EXOC6B: variants seen among roughly 807,000 people sequenced by gnomAD.
EXOC6B encodes the protein SEC15 homolog B.
A neutral mutation model predicts 113.5 loss-of-function variants in EXOC6B; 54 were observed. The ratio of observed to expected loss-of-function variants is 0.48; its 90% confidence interval spans 0.38 to 0.60. The LOEUF (loss-of-function observed/expected upper bound fraction) is 0.60, where lower values mean the gene tolerates loss of function less well. EXOC6B is among the 20% of genes least tolerant of loss of function. The pLI is 0.00. For synonymous variants in EXOC6B, 357 were observed against 339.0 expected (o/e 1.05, Z -0.58); for missense variants, 797 against 977.5 (o/e 0.82, Z 2.46).
chr2:72,732,102 G>A (rs1055309173), intron 3 of EXOC6B, among the ~76,000 whole-genome samples: 3 of 152,166 alleles, frequency 2.0e-5, no homozygotes, highest in African/African-American at 2.4e-5. Flanking sequence ...TGTAAACTGT[G>A]ATGGTTTAAA....
intron 7 of EXOC6B, among the ~76,000 whole-genome samples, chr2:72,565,509 G>T (rs894282153): frequency 2.0e-5 from 3 of 151,750 alleles, no homozygotes; most frequent in African/African-American, 7.3e-5. Flanking sequence ...GGTCTGGGAG[G>T]ATAAAAAATT....
At chr2:72,543,871 G>T (rs1702756988) in intron 8 of EXOC6B, among the ~76,000 whole-genome samples, 1 of 152,174 alleles carries the variant, frequency 6.6e-6, no homozygotes, top group Admixed American at 6.5e-5. Context: ...CAGACAACCT[G>T]TTAAGTGTCA....
chr2:72,179,326 G>A lies in EXOC6B; in HGVS notation c.*9C>T. 9 of 1,597,934 alleles carry A rather than the reference G, an allele frequency of 5.6e-6. No individual in the cohort carries two copies. Among genetic ancestry groups the A allele is most frequent in the East Asian group, 2.2e-5 (1 of 44,712 alleles). ...CAGCAGGTCGCCTCTGTGGGTCCGG[G>A]GTCACCCTTCATGAGTGGTGGCTGC... On this transcript the variant is annotated 3_prime_UTR_variant, in exon 22 of 22. Transcript: ENST00000272427.
intron 8 of EXOC6B, among the ~76,000 whole-genome samples, chr2:72,545,882 TA>T (rs1702870740): frequency 6.6e-6 from 1 of 152,240 alleles, no homozygotes. Flanking sequence ...TAAAGTTCTT[TA>T]AACAATTTCA....
intron 6 of EXOC6B, among the ~76,000 whole-genome samples, chr2:72,659,996 T>C (rs913215512): frequency 1.3e-5 from 2 of 151,830 alleles, no homozygotes; most frequent in African/African-American, 2.4e-5. Context: ...TGGAGACAAG[T>C]ATGGACAAAA....
chr2:72,650,071 T>A (rs557277703), intron 6 of EXOC6B, among the ~76,000 whole-genome samples: 1 of 152,222 alleles, frequency 6.6e-6, no homozygotes, highest in African/African-American at 2.4e-5. Flanking sequence ...CATTACCACC[T>A]GACTTCCGCC....
Position 72,393,069 on chromosome 2 carries a change from G to T in EXOC6B, c.1981-13199C>A, listed in dbSNP as rs571407119. On this transcript the variant is annotated intron_variant, in intron 18 of 21. Coordinates refer to ENST00000272427, the MANE Select transcript of EXOC6B (RefSeq NM_015189.3). ...AAAAAGGGGAACTTAATGAAGGTTTGGTTTTTTTGTTTGTTTGTTTGTTTT... is the reference window on the plus strand; with the variant it reads ...AAAAAGGGGAACTTAATGAAGGTTTTGTTTTTTTGTTTGTTTGTTTGTTTT... 3.3e-5 allele frequency among the ~76,000 whole-genome samples: 5 copies of T among 151,330 alleles called. No homozygotes were observed. The South Asian group carries it at 1.1e-3, about 32-fold the overall frequency.
intron 18 of EXOC6B, among the ~76,000 whole-genome samples, chr2:72,410,124 C>G (rs1694072363): frequency 6.6e-6 from 1 of 152,198 alleles, no homozygotes; most frequent in African/African-American, 2.4e-5. Flanking sequence ...AAAATTGGTT[C>G]TGACAGTTTC....
intron 15 of EXOC6B, among the ~76,000 whole-genome samples, chr2:72,494,993 T>TA (rs1311842712): frequency 6.6e-6 from 1 of 152,158 alleles, no homozygotes; most frequent in Non-Finnish European, 1.5e-5. Context: ...AACATTTCAT[T>TA]AAGTAGAATG....
At chr2:72,519,307 T>C (rs1408569916) in intron 8 of EXOC6B, among the ~76,000 whole-genome samples, 2 of 152,166 alleles carry the variant, frequency 1.3e-5, no homozygotes, top group East Asian at 1.9e-4. Context: ...GCACTTTTTG[T>C]TGATGATTTT....
chr2:72,747,354 G>A (rs1681766822), intron 1 of EXOC6B, among the ~76,000 whole-genome samples: 1 of 151,970 alleles, frequency 6.6e-6, no homozygotes, highest in Non-Finnish European at 1.5e-5. Flanking sequence ...AAGCATTCAG[G>A]AAAAGAAACT....
chr2:72,463,616 G>A (rs1401868527), intron 18 of EXOC6B: 2 of 152,134 alleles, frequency 1.3e-5, no homozygotes, highest in Non-Finnish European at 2.9e-5. Flanking sequence ...TTGAGGACTA[G>A]TTTTACCCTC....
intron 6 of EXOC6B, among the ~76,000 whole-genome samples, chr2:72,606,869 C>T (rs894543933): frequency 6.6e-6 from 1 of 152,040 alleles, no homozygotes; most frequent in African/African-American, 2.4e-5. Context: ...CCTCGGCCTC[C>T]CAAAGTGCTG....
chr2:72,258,440 T>G (rs1573108233), intron 20 of EXOC6B, among the ~76,000 whole-genome samples: 3 of 149,714 alleles, frequency 2.0e-5, no homozygotes, highest in Non-Finnish European at 1.5e-5. Context: ...CATGGCTCAC[T>G]GCAGCATTGA....
At chr2:72,515,968 G>T (rs1701194874) in intron 8 of EXOC6B, among the ~76,000 whole-genome samples, 1 of 152,146 alleles carries the variant, frequency 6.6e-6, no homozygotes. Context: ...GCAGAGAATA[G>T]AGTGATGCAG....
chr2:72,557,683 G>A (rs2103677944), intron 8 of EXOC6B, among the ~76,000 whole-genome samples: 1 of 152,040 alleles, frequency 6.6e-6, no homozygotes, highest in African/African-American at 2.4e-5. Flanking sequence ...AGAGAGAGAA[G>A]CAGAAAAGAT....
chr2:72,413,836 T>C (rs1184449305), intron 18 of EXOC6B, among the ~76,000 whole-genome samples: 1 of 152,154 alleles, frequency 6.6e-6, no homozygotes, highest in Non-Finnish European at 1.5e-5. Context: ...CCTGGTGAGA[T>C]TTTGCATTTC....
chr2:72,407,133 TC>T (rs1392551610), intron 18 of EXOC6B, among the ~76,000 whole-genome samples: 2 of 152,168 alleles, frequency 1.3e-5, no homozygotes, highest in African/African-American at 4.8e-5. Flanking sequence ...GATAAATTCC[TC>T]GACACATACA....
intron 20 of EXOC6B, among the ~76,000 whole-genome samples, chr2:72,315,434 T>C (rs1687459734): frequency 6.6e-6 from 1 of 152,066 alleles, no homozygotes; most frequent in Admixed American, 6.6e-5. Context: ...GAAGCTCCTG[T>C]GGGATTTTAG....
Sources: gnomAD v4.1 joint callset for allele counts (sites outside exome capture counted in the v4.1 genomes callset) on GRCh38, gnomAD v4.1.1 for gene constraint, MANE v1.5 for transcripts, NCBI Gene and HGNC (gene_info 2026-07-23, HGNC 2026-07-21) for gene names.